The following RNF13 variants were observed in gnomAD, a reference collection of about 807,000 sequenced individuals.
The protein encoded by RNF13 is E3 ubiquitin-protein ligase RNF13.
In RNF13, 19 loss-of-function variants were observed where a neutral mutation model predicts 37.7. That is an observed-to-expected ratio of 0.50 (90% confidence interval 0.35 to 0.74). The LOEUF (loss-of-function observed/expected upper bound fraction) is 0.74. Among genes scored for constraint, RNF13 ranks in the 30% least tolerant of loss-of-function variants. RNF13 has a pLI of 0.01. For missense variants in RNF13, 375 were observed against 453.0 expected (o/e 0.83, Z 1.56); for synonymous variants, 144 against 157.8 (o/e 0.91, Z 0.65).
Position 149,892,080 on chromosome 3 carries a change from A to G in RNF13, c.322-3393A>G, listed in dbSNP as rs140693667. Among the ~76,000 whole-genome samples, 1,236 of 152,304 alleles carry G rather than the reference A, an allele frequency of 8.1e-3. 4 individuals are homozygous for G. The highest frequency in any genetic ancestry group is 0.015 in the Admixed American group (227 of 15,294). On this transcript the variant is annotated intron_variant, in intron 4 of 9. Transcript: ENST00000392894. ...CAACAAAAACCTTGGGAAAGCCTTCATACTTGCTACATTTTTGAAAACATG... is the reference window on the plus strand; with the variant it reads ...CAACAAAAACCTTGGGAAAGCCTTCGTACTTGCTACATTTTTGAAAACATG...
At chr3:149,917,102 A>G (rs1034077617) in intron 7 of RNF13, among the ~76,000 whole-genome samples, 8 of 152,110 alleles carry the variant, frequency 5.3e-5, no homozygotes, top group Admixed American at 3.9e-4. Flanking sequence ...TTCTCTGCCC[A>G]TTTACTCTTT....
chr3:149,818,018 A>G (rs1488862842), intron 1 of RNF13, among the ~76,000 whole-genome samples: 1 of 152,166 alleles, frequency 6.6e-6, no homozygotes, highest in Non-Finnish European at 1.5e-5. Context: ...TTAAGTAGTA[A>G]AATATATCCA....
Position 149,895,577 on chromosome 3 carries a change from C to T in RNF13, c.409+17C>T, listed in dbSNP as rs774043594. On this transcript the variant is annotated intron_variant, in intron 5 of 9. Transcript: ENST00000392894. ...CCAACGACAGTAAGTACAGGTATCA[C>T]TTTTCTTCTCTCCTGTTTGACAGAT... is the stretch of plus-strand genomic sequence containing the variant. 1.4e-6 allele frequency: 2 copies of T among 1,407,004 alleles called. No homozygotes were observed. The highest frequency in any genetic ancestry group is 1.4e-5 in the African/African-American group (1 of 69,662). The allele number at this position is 1,407,004 out of a possible 1,614,324, so 87.2% of individuals were successfully genotyped here.
chr3:149,930,167 G>A (rs1043665154), intron 8 of RNF13, among the ~76,000 whole-genome samples: 3 of 152,136 alleles, frequency 2.0e-5, no homozygotes, highest in African/African-American at 4.8e-5. Flanking sequence ...GACCTCAAGT[G>A]ATCTGCCTGC....
At chr3:149,945,132 T>C (rs191055381) in intron 8 of RNF13, among the ~76,000 whole-genome samples, 77 of 152,352 alleles carry the variant, frequency 5.1e-4, no homozygotes, top group African/African-American at 1.8e-3. Flanking sequence ...ATGTGTGATA[T>C]TATTTCTGAG....
intron 1 of RNF13, among the ~76,000 whole-genome samples, chr3:149,840,541 T>C (rs1722075254): frequency 6.6e-6 from 1 of 152,190 alleles, no homozygotes; most frequent in South Asian, 2.1e-4. Flanking sequence ...TTCTAAAATA[T>C]CCTCAGGATG....
rs1721415864 is a variant in RNF13, at chr3:149,952,265, A to G, written c.701-7791A>G. Among the ~76,000 whole-genome samples the G allele has an allele frequency of 2.0e-5, 3 of 152,052 alleles. No individual in the cohort carries two copies. In the South Asian group the frequency reaches 6.2e-4, roughly 31 times the overall value. ...TTATTGATTTGTATGCACTATTTAG[A>G]AGGAAATTTTATGTATGACTTCCTG... On this transcript the variant is annotated intron_variant, in intron 8 of 9. Transcript: ENST00000392894.
intron 4 of RNF13, among the ~76,000 whole-genome samples, chr3:149,877,387 C>T (rs561895069): frequency 2.0e-5 from 3 of 150,108 alleles, no homozygotes; most frequent in Non-Finnish European, 3.0e-5. Context: ...TTCTCTAGTT[C>T]TCAATGTTTA....
chr3:149,846,100 C>T lies in RNF13; in HGVS notation c.74C>T (p.Ala25Val). 6.2e-7 allele frequency: 1 copy of T among 1,613,206 alleles called. No individual in the cohort carries two copies. Among genetic ancestry groups the T allele is most frequent in the Non-Finnish European group, 8.5e-7 (1 of 1,179,596 alleles). The change falls in exon 2 of 10, where the codon GCA (alanine) becomes GTA (valine). Residue 25 changes from alanine (A) to valine (V), a missense_variant. Transcript: ENST00000392894. Reference protein sequence around the residue: ...VYTILTVQLFAFLNLLPVEAD... With the variant: ...VYTILTVQLFVFLNLLPVEAD... Reference sequence around the variant, plus strand: ...ACCATCTTGACTGTCCAGCTCTTTGCATTCTTAAACCTACTGCCTGTAGAA... The same window carrying T: ...ACCATCTTGACTGTCCAGCTCTTTGTATTCTTAAACCTACTGCCTGTAGAA...
intron 4 of RNF13, among the ~76,000 whole-genome samples, chr3:149,889,061 C>T (rs1226655388): frequency 6.6e-6 from 1 of 151,724 alleles, no homozygotes; most frequent in Non-Finnish European, 1.5e-5. Flanking sequence ...GCCTCAGCCT[C>T]CCGAGTAGCT....
At chr3:149,868,844 CTGTT>C (rs914984986) in intron 3 of RNF13, among the ~76,000 whole-genome samples, 1 of 151,712 alleles carries the variant, frequency 6.6e-6, no homozygotes, top group African/African-American at 2.4e-5. Flanking sequence ...TGGGTCAAAT[CTGTT>C]TGTTCTCTGA....
At chr3:149,815,441 G>A (rs12494028) in intron 1 of RNF13, among the ~76,000 whole-genome samples, 32,172 of 152,150 alleles carry the variant, frequency 0.21, 3,761 homozygotes, top group Middle Eastern at 0.32. Context: ...TTTAGCAGGA[G>A]GCAAATGAGT....
Position 149,961,417 on chromosome 3 carries a change from A to C in RNF13, c.*313A>C, listed in dbSNP as rs1722415805. On this transcript the variant is annotated 3_prime_UTR_variant, in exon 10 of 10. Transcript: ENST00000392894. ...AATTAAGACCTAGATCACAGTATTT[A>C]AGTGTTTTGCGTTTTATACATGAGG... 1 of 497,498 alleles carries C rather than the reference A, an allele frequency of 2.0e-6. No individual in the cohort carries two copies. The highest frequency in any genetic ancestry group is 2.5e-5 in the Admixed American group (1 of 40,400). The allele number at this position is 497,498 out of a possible 1,614,324, so 30.8% of individuals were successfully genotyped here. A position where few individuals can be genotyped will look rare whatever the true frequency, so the allele number is the denominator to read the frequency against.
intron 4 of RNF13, among the ~76,000 whole-genome samples, chr3:149,873,741 C>T (rs896062738): frequency 1.3e-4 from 20 of 152,136 alleles, no homozygotes; most frequent in Admixed American, 1.2e-3. Flanking sequence ...TTTCTACTTC[C>T]TCTGTTGCAG....
chr3:149,901,662 G>A (rs1006235886), intron 5 of RNF13, among the ~76,000 whole-genome samples: 3 of 152,072 alleles, frequency 2.0e-5, no homozygotes, highest in South Asian at 2.1e-4. Flanking sequence ...TGGCTTATAC[G>A]TCTCCTGGAA....
intron 1 of RNF13, among the ~76,000 whole-genome samples, chr3:149,829,341 C>G (rs1720816925): frequency 6.6e-6 from 1 of 152,124 alleles, no homozygotes; most frequent in Non-Finnish European, 1.5e-5. Context: ...CTCGGGCGAT[C>G]CTCCTGCCTC....
intron 1 of RNF13, among the ~76,000 whole-genome samples, chr3:149,838,268 T>C (rs1009859359): frequency 6.6e-6 from 1 of 152,162 alleles, no homozygotes; most frequent in Non-Finnish European, 1.5e-5. Context: ...TGTTGGTGGA[T>C]CTACTATTCT....
chr3:149,909,952 G>GAAA (rs3836226), intron 6 of RNF13, among the ~76,000 whole-genome samples: 2 of 148,530 alleles, frequency 1.3e-5, no homozygotes, highest in African/African-American at 4.9e-5. Context: ...AAAAAGAGAA[G>GAAA]AAAAAAAAAA....
intron 8 of RNF13, among the ~76,000 whole-genome samples, chr3:149,931,557 AT>A (rs1450310037): frequency 6.6e-6 from 1 of 152,014 alleles, no homozygotes; most frequent in Non-Finnish European, 1.5e-5. Context: ...GCATTTTACA[AT>A]TTTTTATTGA....
Sources: allele counts gnomAD v4.1 joint callset (sites outside exome capture counted in the v4.1 genomes callset), GRCh38; gene constraint gnomAD v4.1.1; transcripts MANE v1.5; gene names NCBI Gene and HGNC (gene_info 2026-07-23, HGNC 2026-07-21).